Variants in LSAMP observed in about 807,000 individuals in gnomAD.
LSAMP encodes limbic system associated membrane protein.
LSAMP carries 7 observed loss-of-function variants against 38.6 expected under a neutral mutation model. The ratio of observed to expected loss-of-function variants is 0.18; its 90% CI spans 0.10 to 0.34. The LOEUF (loss-of-function observed/expected upper bound fraction) is 0.34. LSAMP is among the 10% of genes least tolerant of loss of function. The pLI, the probability that LSAMP is intolerant of heterozygous loss-of-function variation, is 1.00. For missense variants in LSAMP, 313 were observed against 420.0 expected, an observed-to-expected ratio of 0.75 and a Z score of 2.23; for synonymous variants, 154 against 166.8, an observed-to-expected ratio of 0.92 and a Z score of 0.59.
intron 1 of LSAMP, among the ~76,000 whole-genome samples, chr3:116,283,466 C>G (rs992720471): frequency 6.6e-6 from 1 of 152,100 alleles, no homozygotes; most frequent in African/African-American, 2.4e-5. Flanking sequence ...TATGGCTTGA[C>G]AGTTTACTTT....
chr3:115,836,518 A>G (rs1207202612), intron 6 of LSAMP, among the ~76,000 whole-genome samples: 1 of 152,202 alleles, frequency 6.6e-6, no homozygotes, highest in Non-Finnish European at 1.5e-5. Context: ...TTGAGGAGGA[A>G]AACACACTTA....
At chr3:116,131,417 G>T (rs890353811) in intron 1 of LSAMP, among the ~76,000 whole-genome samples, 3 of 152,140 alleles carry the variant, frequency 2.0e-5, no homozygotes, top group African/African-American at 7.2e-5. Context: ...ACAGGCATGT[G>T]ACCCAATCAG....
At chr3:116,187,660 C>T (rs1389739282) in intron 1 of LSAMP, among the ~76,000 whole-genome samples, 1 of 152,240 alleles carries the variant, frequency 6.6e-6, no homozygotes, top group Non-Finnish European at 1.5e-5. Context: ...AGTTATGAAA[C>T]TTCCCTTTGA....
At chr3:116,245,403 GC>G (rs1225260119) in intron 1 of LSAMP, among the ~76,000 whole-genome samples, 1 of 152,118 alleles carries the variant, frequency 6.6e-6, no homozygotes, top group Admixed American at 6.5e-5. Flanking sequence ...ATGTTACTTA[GC>G]TTTCCTCATA....
At chr3:115,917,161 G>A (rs145804229) in intron 3 of LSAMP, among the ~76,000 whole-genome samples, 2,212 of 152,278 alleles carry the variant, frequency 0.015, 15 homozygotes, top group Admixed American at 0.019. Flanking sequence ...TATTTCCTAG[G>A]TTGGGAAACT....
chr3:116,076,136 A>G (rs1707736921), intron 2 of LSAMP, among the ~76,000 whole-genome samples: 1 of 152,226 alleles, frequency 6.6e-6, no homozygotes, highest in Non-Finnish European at 1.5e-5. Flanking sequence ...CATATGTGAC[A>G]TGACCATATG....
At chr3:116,078,474 G>A (rs886878214) in intron 2 of LSAMP, among the ~76,000 whole-genome samples, 9 of 151,836 alleles carry the variant, frequency 5.9e-5, no homozygotes, top group South Asian at 4.2e-4. Context: ...ACAGGTGCCC[G>A]CCACCAACAC....
At chr3:116,158,901 A>G (rs1709819157) in intron 1 of LSAMP, among the ~76,000 whole-genome samples, 1 of 152,178 alleles carries the variant, frequency 6.6e-6, no homozygotes, top group Non-Finnish European at 1.5e-5. Context: ...GGCAATCATA[A>G]GCAAAAACGA....
At chr3:116,112,738 T>A (rs1208055616) in intron 1 of LSAMP, among the ~76,000 whole-genome samples, 2 of 152,156 alleles carry the variant, frequency 1.3e-5, no homozygotes, top group East Asian at 3.9e-4. Context: ...ACGAGTTTGG[T>A]ATGAAAATAA....
intron 1 of LSAMP, among the ~76,000 whole-genome samples, chr3:116,228,650 A>G (rs909145352): frequency 3.9e-5 from 6 of 152,136 alleles, no homozygotes; most frequent in African/African-American, 1.4e-4. Flanking sequence ...TTATTGTGGT[A>G]GAAGCGGAGA....
At chr3:116,171,023 G>A (rs1710184670) in intron 1 of LSAMP, among the ~76,000 whole-genome samples, 1 of 152,118 alleles carries the variant, frequency 6.6e-6, no homozygotes, top group Non-Finnish European at 1.5e-5. Flanking sequence ...CTAAAAGCAT[G>A]AAAACTGGAA....
intron 1 of LSAMP, among the ~76,000 whole-genome samples, chr3:116,444,260 G>A (rs1339918558): frequency 1.3e-5 from 2 of 151,950 alleles, no homozygotes; most frequent in African/African-American, 2.4e-5. Context: ...ACCAACCAAA[G>A]TTCTAAGATT....
At chr3:116,290,995 G>T (rs2047259856) in intron 1 of LSAMP, among the ~76,000 whole-genome samples, 1 of 151,982 alleles carries the variant, frequency 6.6e-6, no homozygotes, top group South Asian at 2.1e-4. Flanking sequence ...ACATCTCTAA[G>T]TTTATGCACC....
chr3:116,348,868 G>A (rs1035425982), intron 1 of LSAMP, among the ~76,000 whole-genome samples: 24 of 152,054 alleles, frequency 1.6e-4, no homozygotes, highest in Middle Eastern at 3.4e-3. Flanking sequence ...ATTAATATTC[G>A]GAAATTACCT....
intron 1 of LSAMP, among the ~76,000 whole-genome samples, chr3:116,128,897 T>G (rs1268176388): frequency 6.6e-6 from 1 of 152,196 alleles, no homozygotes; most frequent in Non-Finnish European, 1.5e-5. Flanking sequence ...TTTTGCTCAA[T>G]GCCATTCATA....
chr3:116,303,881 C>T (rs2047447546), intron 1 of LSAMP, among the ~76,000 whole-genome samples: 2 of 152,114 alleles, frequency 1.3e-5, no homozygotes, highest in African/African-American at 4.8e-5. Context: ...ACTGATGGAA[C>T]TGTTAAAGCA....
intron 6 of LSAMP, among the ~76,000 whole-genome samples, chr3:115,833,568 A>G (rs1214292810): frequency 6.6e-6 from 1 of 152,108 alleles, no homozygotes; most frequent in Non-Finnish European, 1.5e-5. Context: ...TTGACACTGA[A>G]TATCTACACA....
intron 3 of LSAMP, among the ~76,000 whole-genome samples, chr3:115,867,429 C>T (rs750738123): frequency 4.6e-5 from 7 of 151,996 alleles, no homozygotes; most frequent in Admixed American, 2.6e-4. Flanking sequence ...AAAAGTTAAG[C>T]CCCACAAATC....
At chr3:116,385,314 C>T (rs1309768823) in intron 1 of LSAMP, among the ~76,000 whole-genome samples, 2 of 152,104 alleles carry the variant, frequency 1.3e-5, no homozygotes, top group African/African-American at 2.4e-5. Flanking sequence ...TCTCAGCAAG[C>T]TTTAAAGTGT....
Sources: allele counts gnomAD v4.1 joint callset (sites outside exome capture counted in the v4.1 genomes callset), GRCh38; gene constraint gnomAD v4.1.1; transcripts MANE v1.5; gene names NCBI Gene and HGNC (gene_info 2026-07-23, HGNC 2026-07-21).